MRAS: variants seen among roughly 807,000 people sequenced by gnomAD.
MRAS encodes muscle RAS oncogene homolog.
A neutral mutation model predicts 20.9 loss-of-function variants in MRAS; 4 were observed. The ratio of observed to expected loss-of-function variants is 0.19; its 90% CI spans 0.09 to 0.44. MRAS has a LOEUF of 0.44. Among genes scored for constraint, MRAS ranks in the 20% least tolerant of loss-of-function variants. MRAS has a pLI of 0.99. For missense variants in MRAS, 154 were observed against 277.5 expected, an observed-to-expected ratio of 0.56 and a Z score of 3.16; for synonymous variants, 98 against 102.9, an observed-to-expected ratio of 0.95 and a Z score of 0.29.
At chr3:138,380,458 G>A (rs1003821580) in intron 2 of MRAS, among the ~76,000 whole-genome samples, 10 of 151,428 alleles carry the variant, frequency 6.6e-5, no homozygotes, top group South Asian at 2.1e-4. Flanking sequence ...GATTACAGGC[G>A]TGCACCACCA....
At chr3:138,350,942 CAAA>C (rs66738068) in intron 1 of MRAS, among the ~76,000 whole-genome samples, 12 of 68,004 alleles carry the variant, frequency 1.8e-4, no homozygotes, top group South Asian at 5.4e-4. Flanking sequence ...GACCCTGTCT[CAAA>C]AAAAAAAAAA....
At chr3:138,368,655 C>T (rs919124551) in intron 1 of MRAS, among the ~76,000 whole-genome samples, 29 of 152,130 alleles carry the variant, frequency 1.9e-4, no homozygotes, top group African/African-American at 6.5e-4. Flanking sequence ...GAATGATCTC[C>T]GAGGTGCTTT....
chr3:138,404,776 T>C lies in MRAS; in HGVS notation c.*2507T>C, dbSNP rs559282328. The C allele has an allele frequency of 6.6e-6, 1 of 152,250 alleles. No homozygotes were observed. Among genetic ancestry groups the C allele is most frequent in the African/African-American group, 2.4e-5 (1 of 41,552 alleles). The allele number at this position is 152,250 out of a possible 1,614,324, so 9.4% of individuals were successfully genotyped here. A position where few individuals can be genotyped will look rare whatever the true frequency, so the allele number is the denominator to read the frequency against. On this transcript the variant is annotated 3_prime_UTR_variant, in exon 6 of 6. Coordinates refer to ENST00000423968, the MANE Select transcript of MRAS (RefSeq NM_001085049.3). ...GAGTGTGCCCCGTGACATCCCTCCATCTTCTCCTCCATTATCATCTAGCAG... is the reference window on the plus strand; with the variant it reads ...GAGTGTGCCCCGTGACATCCCTCCACCTTCTCCTCCATTATCATCTAGCAG...
At chr3:138,373,727 T>G (rs915191523) in intron 2 of MRAS, among the ~76,000 whole-genome samples, 1 of 152,210 alleles carries the variant, frequency 6.6e-6, no homozygotes, top group Non-Finnish European at 1.5e-5. Flanking sequence ...GTCTAGGTCC[T>G]AAGGTATTTC....
intron 1 of MRAS, among the ~76,000 whole-genome samples, chr3:138,360,003 AT>A (rs1164719034): frequency 6.6e-6 from 1 of 152,204 alleles, no homozygotes; most frequent in African/African-American, 2.4e-5. Context: ...AATTTAGACT[AT>A]CTGGCAAGCT....
chr3:138,397,505 C>T (rs372476958), intron 3 of MRAS, 28 bp downstream of exon 3: 9 of 1,612,400 alleles, frequency 5.6e-6, no homozygotes, highest in African/African-American at 2.7e-5. Context: ...GTGAGAGTAC[C>T]GGGAAGAGGC....
chr3:138,366,909 C>A (rs1387377036), intron 1 of MRAS, among the ~76,000 whole-genome samples: 1 of 152,232 alleles, frequency 6.6e-6, no homozygotes, highest in East Asian at 1.9e-4. Flanking sequence ...ACATCTGTAG[C>A]TGAAGCCATT....
chr3:138,391,098 C>T (rs1293252221), intron 2 of MRAS, among the ~76,000 whole-genome samples: 2 of 152,122 alleles, frequency 1.3e-5, no homozygotes, highest in Admixed American at 1.3e-4. Context: ...TAGATATCAG[C>T]TACTTTCCCC....
At chr3:138,396,628 G>A (rs1051256618) in intron 2 of MRAS, among the ~76,000 whole-genome samples, 1 of 152,234 alleles carries the variant, frequency 6.6e-6, no homozygotes, top group Admixed American at 6.5e-5. Flanking sequence ...CTGGAGGAAG[G>A]TGGCAGTGAG....
chr3:138,397,491 A>G lies in MRAS; in HGVS notation c.347+14A>G. On this transcript the variant is annotated intron_variant, in intron 3 of 5. Coordinates refer to ENST00000423968, the MANE Select transcript of MRAS (RefSeq NM_001085049.3). ...CGTCAAAGACAGGTGAGCATCAAAGACAGGTGAGAGTACCGGGAAGAGGCC... is the reference window on the plus strand; with the variant it reads ...CGTCAAAGACAGGTGAGCATCAAAGGCAGGTGAGAGTACCGGGAAGAGGCC... 6.2e-7 allele frequency: 1 copy of G among 1,613,968 alleles called. No individual in the cohort carries two copies. The highest frequency in any genetic ancestry group is 8.5e-7 in the Non-Finnish European group (1 of 1,179,888).
intron 1 of MRAS, among the ~76,000 whole-genome samples, chr3:138,358,461 A>T (rs2054380662): frequency 6.6e-6 from 1 of 152,280 alleles, no homozygotes; most frequent in African/African-American, 2.4e-5. Context: ...AGCTATCATT[A>T]TTACTAGCCA....
At chr3:138,357,607 A>G (rs532313443) in intron 1 of MRAS, among the ~76,000 whole-genome samples, 7 of 152,348 alleles carry the variant, frequency 4.6e-5, no homozygotes, top group Admixed American at 3.3e-4. Context: ...AAAATTGCCC[A>G]AGTATTGATG....
intron 1 of MRAS, among the ~76,000 whole-genome samples, chr3:138,365,440 C>A (rs1229121673): frequency 6.6e-6 from 1 of 152,166 alleles, no homozygotes; most frequent in Non-Finnish European, 1.5e-5. Flanking sequence ...ACGAGTAAGC[C>A]CAACAACAGT....
chr3:138,358,162 C>A (rs546029328), intron 1 of MRAS, among the ~76,000 whole-genome samples: 1 of 152,142 alleles, frequency 6.6e-6, no homozygotes, highest in East Asian at 1.9e-4. Context: ...TGGTGAAACC[C>A]CATCTCTACT....
In MRAS at chr3:138,404,076, C is replaced by T. The variant is rs903889337; in HGVS notation, c.*1807C>T. On this transcript the variant is annotated 3_prime_UTR_variant, in exon 6 of 6. Transcript: ENST00000423968. ...AAAGGAAGGATAAGAGAGAACATTC[C>T]AGGTGAGGCACTTCAAAGTTTCCTT... 3.3e-5 allele frequency: 5 copies of T among 152,278 alleles called. No homozygotes were observed. Among genetic ancestry groups the T allele is most frequent in the Admixed American group, 2.6e-4 (4 of 15,304 alleles). 9.4% of individuals were successfully genotyped at this position (152,278 alleles called of 1,614,324 possible). A position where few individuals can be genotyped will look rare whatever the true frequency, so the allele number is the denominator to read the frequency against.
chr3:138,365,556 G>A (rs2054542137), intron 1 of MRAS, among the ~76,000 whole-genome samples: 1 of 152,210 alleles, frequency 6.6e-6, no homozygotes, highest in African/African-American at 2.4e-5. Context: ...CCTGGCAGAG[G>A]AGTTGAGATT....
chr3:138,366,532 G>A (rs1037920552), intron 1 of MRAS, among the ~76,000 whole-genome samples: 1 of 152,254 alleles, frequency 6.6e-6, no homozygotes, highest in African/African-American at 2.4e-5. Flanking sequence ...GAGAGCCTCT[G>A]GATTGGCCCT....
At chr3:138,368,799 T>C (rs534113047) in intron 1 of MRAS, among the ~76,000 whole-genome samples, 4 of 152,302 alleles carry the variant, frequency 2.6e-5, no homozygotes, top group African/African-American at 4.8e-5. Flanking sequence ...AAAATCTTTC[T>C]CTGTACCGCA....
At chr3:138,387,795 T>C (rs2055047803) in intron 2 of MRAS, among the ~76,000 whole-genome samples, 1 of 152,186 alleles carries the variant, frequency 6.6e-6, no homozygotes, top group Non-Finnish European at 1.5e-5. Context: ...CACAGAACCA[T>C]AGACCATATC....
Sources: gnomAD v4.1 joint callset for allele counts (sites outside exome capture counted in the v4.1 genomes callset) on GRCh38, gnomAD v4.1.1 for gene constraint, MANE v1.5 for transcripts, NCBI Gene and HGNC (gene_info 2026-07-23, HGNC 2026-07-21) for gene names.